The following PCDHA13 variants were observed in gnomAD, a reference collection of about 807,000 sequenced individuals.
The protein encoded by PCDHA13 is protocadherin alpha-13.
Under a neutral mutation model 64.8 loss-of-function variants are expected in PCDHA13, and 54 were observed. That is an observed-to-expected ratio of 0.83 (90% CI 0.67 to 1.04). The LOEUF (loss-of-function observed/expected upper bound fraction) is 1.04. Ranked by LOEUF, PCDHA13 falls within the 50% of genes least tolerant of loss-of-function variation. The pLI, the probability that PCDHA13 is intolerant of heterozygous loss-of-function variation, is 0.00. For synonymous variants in PCDHA13, 587 were observed against 564.4 expected (o/e 1.04, Z -0.57); for missense variants, 1,248 against 1,254.3 (o/e 0.99, Z 0.08).
intron 1 of PCDHA13, chr5:140,926,824 A>T: frequency 1.3e-6 from 2 of 1,496,944 alleles, no homozygotes; most frequent in Non-Finnish European, 1.8e-6. Context: ...GCTCTCCAGG[A>T]GTCCGGAGCA....
chr5:140,896,113 T>A (rs10053583), intron 1 of PCDHA13, among the ~76,000 whole-genome samples: 2,120 of 152,286 alleles, frequency 0.014, 43 homozygotes, highest in African/African-American at 0.049. Flanking sequence ...GCCTGGCCAA[T>A]GTACTGCATT....
intron 1 of PCDHA13, among the ~76,000 whole-genome samples, chr5:140,900,920 T>G (rs539511607): frequency 2.0e-5 from 3 of 152,204 alleles, no homozygotes; most frequent in Non-Finnish European, 4.4e-5. Context: ...TAAGATGATA[T>G]CTCATTGTAG....
chr5:140,943,923 C>A (rs1454812803), intron 1 of PCDHA13, among the ~76,000 whole-genome samples: 1 of 152,162 alleles, frequency 6.6e-6, no homozygotes, highest in Non-Finnish European at 1.5e-5. Flanking sequence ...GCATGAGCAG[C>A]TTTAGAAGTG....
Position 141,009,727 on chromosome 5 carries a change from C to T in PCDHA13, c.2643C>T (p.Pro881=), listed in dbSNP as rs781880006. The part of the protein sequence containing the change: ...YGPGNPKQSG[P]GELPDKFIIP... ...CAGGCAACCCCAAACAATCCGGTCC[C>T]GGTGAGTTGCCCGACAAATTCATTA... Residue 881 remains proline, a synonymous_variant, in exon 4 of 4, where the codon CCC becomes CCT. Coordinates refer to ENST00000289272, the MANE Select transcript of PCDHA13 (RefSeq NM_018904.3). The T allele has an allele frequency of 3.1e-6, 5 of 1,614,022 alleles. No homozygotes were observed. The highest frequency in any genetic ancestry group is 2.2e-5 in the East Asian group (1 of 44,886).
At chr5:140,886,772 G>A (rs910164045) in intron 1 of PCDHA13, among the ~76,000 whole-genome samples, 16 of 143,450 alleles carry the variant, frequency 1.1e-4, no homozygotes, top group Non-Finnish European at 1.8e-4. Flanking sequence ...GTTGCAGTGA[G>A]ATGAGATCAT....
intron 1 of PCDHA13, chr5:140,926,544 C>G (rs9765406): frequency 0.16 from 35,740 of 221,378 alleles, 3,305 homozygotes; most frequent in African/African-American, 0.26. Context: ...GCGTGGTGGT[C>G]GAGACCCCAG....
intron 1 of PCDHA13, among the ~76,000 whole-genome samples, chr5:140,912,376 G>A (rs2075897019): frequency 6.6e-6 from 1 of 151,474 alleles, no homozygotes; most frequent in African/African-American, 2.4e-5. Context: ...TTGTAAAAGG[G>A]ATTGAGTTCT....
In PCDHA13 at chr5:140,882,915, A is replaced by G. The variant is rs374032403; in HGVS notation, c.647A>G (p.Asp216Gly). The G allele has an allele frequency of 9.7e-5, 156 of 1,614,110 alleles. No individual in the cohort carries two copies. Among genetic ancestry groups the G allele is most frequent in the Non-Finnish European group, 1.2e-4 (140 of 1,180,046 alleles). ...QEHSLLLTASDGGKPELTGTV... is the reference protein window; with the variant it reads ...QEHSLLLTASGGGKPELTGTV... ...CATAGTTTATTACTGACAGCCAGTG[A>G]TGGAGGTAAACCCGAGCTGACTGGC... is the stretch of plus-strand genomic sequence containing the variant. The change falls in exon 1 of 4, where the codon GAT becomes GGT. Residue 216 changes from aspartate (D) to glycine (G), a missense_variant. Physicochemically the swap from Asp to Gly is moderately conservative, Grantham distance 94 (BLOSUM62 -1). Transcript: ENST00000289272.
chr5:140,951,779 CA>C (rs1402940575), intron 1 of PCDHA13, among the ~76,000 whole-genome samples: 1 of 152,142 alleles, frequency 6.6e-6, no homozygotes, highest in East Asian at 1.9e-4. Flanking sequence ...TCTTACATTG[CA>C]AAATACAATT....
chr5:140,937,916 A>T (rs903757303), intron 1 of PCDHA13, among the ~76,000 whole-genome samples: 37 of 152,106 alleles, frequency 2.4e-4, no homozygotes, highest in Non-Finnish European at 1.8e-4. Flanking sequence ...CGTCTCAAAA[A>T]AAAAAAAAAA....
At chr5:140,979,063 A>G (rs1245308340) in intron 2 of PCDHA13, 56 bp downstream of exon 2, 3 of 1,604,438 alleles carry the variant, frequency 1.9e-6, no homozygotes, top group East Asian at 4.5e-5. Context: ...TATGGCTCAG[A>G]TAAACTGCAT....
At position 140,882,856 on chromosome 5, in the gene PCDHA13, G is replaced by A. The variant is rs1352769264; in HGVS notation, c.588G>A (p.Leu196=). The A allele has an allele frequency of 6.2e-7, 1 of 1,614,098 alleles. No homozygotes were observed. The highest frequency in any genetic ancestry group is 1.3e-5 in the African/African-American group (1 of 74,928). Residue 196 remains leucine (L), a synonymous_variant, in exon 1 of 4, where the codon CTG becomes CTA. Coordinates refer to ENST00000289272, the MANE Select transcript of PCDHA13 (RefSeq NM_018904.3). ...AAATGTCTTCATTATCACTTGTACT[G>A]AGGAAAACACTGGACAGAGAGGAAA... The part of the protein sequence containing the change: ...LEQMSSLSLV[L]RKTLDREEIQ...
intron 1 of PCDHA13, among the ~76,000 whole-genome samples, chr5:140,922,038 T>A (rs1048446579): frequency 6.6e-6 from 1 of 152,088 alleles, no homozygotes. Context: ...AATGTAATTT[T>A]CCCACATACC....
In PCDHA13 at chr5:140,927,525, T is replaced by G. The variant is rs782496581; in HGVS notation, c.2394+42863T>G. ...TTACAGCTCGGGACGGCGGGCTACC[T>G]GCCCGCTCAGGAGACGCACAAGTCA... On this transcript the variant is annotated intron_variant, in intron 1 of 3. Transcript: ENST00000289272. 3.1e-6 allele frequency: 5 copies of G among 1,614,088 alleles called. 1 individual carries two copies. In the South Asian group the frequency reaches 5.5e-5, roughly 18 times the overall value.
chr5:140,933,753 G>A (rs1554209575), intron 1 of PCDHA13, among the ~76,000 whole-genome samples: 1 of 151,976 alleles, frequency 6.6e-6, no homozygotes. Context: ...GAATTCACTA[G>A]TGAAGCTCTC....
At chr5:140,919,127 T>A (rs2079016296) in intron 1 of PCDHA13, among the ~76,000 whole-genome samples, 1 of 152,192 alleles carries the variant, frequency 6.6e-6, no homozygotes, top group East Asian at 1.9e-4. Flanking sequence ...TTGCTTCATG[T>A]GTTTTGGGGC....
intron 1 of PCDHA13, among the ~76,000 whole-genome samples, chr5:140,935,915 CAG>C (rs2090644404): frequency 7.6e-6 from 1 of 131,048 alleles, no homozygotes; most frequent in Non-Finnish European, 1.6e-5. Flanking sequence ...TTTTTTGAGA[CAG>C]ATTCTCATTC....
chr5:140,883,564 G>C lies in PCDHA13; in HGVS notation c.1296G>C (p.Ser432=). 6.2e-7 allele frequency: 1 copy of C among 1,614,174 alleles called. No individual in the cohort carries two copies. The highest frequency in any genetic ancestry group is 8.5e-7 in the Non-Finnish European group (1 of 1,180,024). The change falls in exon 1 of 4, where the codon TCG becomes TCC. Residue 432 remains serine (S), a synonymous_variant. Transcript: ENST00000289272. ...TGGTGACCGCGCGGGACGGGGGCTC[G>C]CCTTCGCTGTGGGCCACGGCCAGCG... is the stretch of plus-strand genomic sequence containing the variant. ...ELVVTARDGG[S]PSLWATASVS...
At chr5:140,936,628 T>C (rs1208761817) in intron 1 of PCDHA13, among the ~76,000 whole-genome samples, 5 of 152,258 alleles carry the variant, frequency 3.3e-5, no homozygotes, top group Non-Finnish European at 7.3e-5. Flanking sequence ...GTGCTACCTT[T>C]GTCATAAGCA....
Sources: allele counts gnomAD v4.1 joint callset (sites outside exome capture counted in the v4.1 genomes callset), GRCh38; gene constraint gnomAD v4.1.1; transcripts MANE v1.5; gene names NCBI Gene and HGNC (gene_info 2026-07-23, HGNC 2026-07-21).